The following SLC5A12 variants were observed in gnomAD, a reference collection of about 807,000 sequenced individuals.
SLC5A12 encodes the protein solute carrier family 5 member 12, also known as sodium-coupled monocarboxylate transporter 2.
SLC5A12 carries 46 observed loss-of-function variants against 72.7 expected under a neutral mutation model. The observed-to-expected ratio is 0.63, with a 90% CI of 0.50 to 0.81. SLC5A12 has a LOEUF of 0.81. SLC5A12 is among the 30% of genes least tolerant of loss of function. The probability of loss-of-function intolerance (pLI) is 0.00; values close to 1 mark genes in which losing one functional copy is unlikely to be tolerated. For missense variants in SLC5A12, 683 were observed against 740.7 expected (o/e 0.92, Z 0.90); for synonymous variants, 275 against 264.4 (o/e 1.04, Z -0.39).
At chr11:26,676,760 G>T (rs909507977) in intron 13 of SLC5A12, among the ~76,000 whole-genome samples, 12 of 152,306 alleles carry the variant, frequency 7.9e-5, no homozygotes, top group African/African-American at 2.6e-4. Context: ...TCTTTCAGCA[G>T]CTGATGCACA....
intron 12 of SLC5A12, among the ~76,000 whole-genome samples, chr11:26,680,815 T>G (rs532275206): frequency 6.6e-6 from 1 of 152,250 alleles, no homozygotes; most frequent in African/African-American, 2.4e-5. Context: ...TTCTCTTTTG[T>G]ACTCATATCT....
At chr11:26,721,101 C>A (rs1405752288) in intron 1 of SLC5A12, among the ~76,000 whole-genome samples, 1 of 152,102 alleles carries the variant, frequency 6.6e-6, no homozygotes, top group Non-Finnish European at 1.5e-5. Flanking sequence ...TTATTGCAAA[C>A]CTCCTACAAA....
chr11:26,703,446 A>ACACAC, intron 6 of SLC5A12, 85 bp downstream of exon 6: 4 of 1,087,506 alleles, frequency 3.7e-6, no homozygotes, highest in South Asian at 1.5e-5. Context: ...ACACACACAC[A>ACACAC]CCCCCCAAGA....
chr11:26,705,975 C>T (rs903614362), intron 4 of SLC5A12, among the ~76,000 whole-genome samples: 11 of 134,022 alleles, frequency 8.2e-5, no homozygotes, highest in Admixed American at 6.9e-4. Context: ...CACACACACA[C>T]ACACTTACCT....
Position 26,668,612 on chromosome 11 carries a change from G to C in SLC5A12, c.*2490C>G, listed in dbSNP as rs890627559. ...TTTTGCTTCACCACACAACAAACAC[G>C]GTTTTCATACACTATGGAAGACAGT... On this transcript the variant is annotated 3_prime_UTR_variant, in exon 15 of 15. Coordinates refer to ENST00000396005, the MANE Select transcript of SLC5A12 (RefSeq NM_178498.4). 1 of 151,884 alleles carries C rather than the reference G, an allele frequency of 6.6e-6. No individual in the cohort carries two copies. Among genetic ancestry groups the C allele is most frequent in the African/African-American group, 2.4e-5 (1 of 41,336 alleles). The allele number at this position is 151,884 out of a possible 1,614,324, so 9.4% of individuals were successfully genotyped here. A position where few individuals can be genotyped will look rare whatever the true frequency, so the allele number is the denominator to read the frequency against.
intron 10 of SLC5A12, among the ~76,000 whole-genome samples, chr11:26,684,705 T>C (rs1421923057): frequency 6.6e-6 from 1 of 152,108 alleles, no homozygotes; most frequent in Non-Finnish European, 1.5e-5. Flanking sequence ...TTTCCACCAG[T>C]CTTTGGAGGA....
chr11:26,693,449 C>T (rs1854732605), intron 8 of SLC5A12, among the ~76,000 whole-genome samples: 1 of 152,194 alleles, frequency 6.6e-6, no homozygotes. Flanking sequence ...AATATTCCCT[C>T]TGTCACTTTC....
intron 4 of SLC5A12, among the ~76,000 whole-genome samples, chr11:26,705,869 C>T (rs992209467): frequency 6.7e-6 from 1 of 150,062 alleles, no homozygotes; most frequent in Non-Finnish European, 1.5e-5. Context: ...TTATAGCCAC[C>T]ATGAAGACCT....
intron 3 of SLC5A12, among the ~76,000 whole-genome samples, chr11:26,711,015 C>T (rs1234748259): frequency 6.6e-6 from 1 of 151,728 alleles, no homozygotes; most frequent in Non-Finnish European, 1.5e-5. Flanking sequence ...TATACAATAC[C>T]GAAACTGCCA....
intron 8 of SLC5A12, among the ~76,000 whole-genome samples, chr11:26,696,857 G>A (rs1854828675): frequency 6.6e-6 from 1 of 152,132 alleles, no homozygotes; most frequent in South Asian, 2.1e-4. Flanking sequence ...CATCAGACAA[G>A]GTAGGATAAT....
chr11:26,671,283 G>C (rs1490360471), intron 14 of SLC5A12, 32 bp from the exon 15 acceptor site: 1 of 1,551,020 alleles, frequency 6.4e-7, no homozygotes, highest in Non-Finnish European at 8.7e-7. Flanking sequence ...ATATTAGCAA[G>C]ATATCCTTGA....
chr11:26,678,662 T>G, intron 13 of SLC5A12, 50 bp downstream of exon 13: 5 of 1,340,606 alleles, frequency 3.7e-6, no homozygotes, highest in South Asian at 1.2e-5. Context: ...CACCAATGCA[T>G]GCATGAGCCC....
rs775946743 is a variant in SLC5A12, at chr11:26,711,294, G to A, written c.457+13C>T. 1.9e-6 allele frequency: 3 copies of A among 1,608,476 alleles called. No individual in the cohort carries two copies. In the East Asian group the frequency reaches 6.7e-5, roughly 36 times the overall value. Reference sequence around the variant, plus strand: ...AAATGGTAAAATATGCCAAGAGAATGCTGATAACTCACCTTGATTGAGTGC... The same window carrying A: ...AAATGGTAAAATATGCCAAGAGAATACTGATAACTCACCTTGATTGAGTGC... On this transcript the variant is annotated intron_variant, in intron 3 of 14. Coordinates refer to ENST00000396005, the MANE Select transcript of SLC5A12 (RefSeq NM_178498.4).
rs766270312 is a variant in SLC5A12, at chr11:26,712,721, A to G, written c.340-15T>C. The stretch of plus-strand genomic sequence containing the variant: ...AGTTGTAAGTACTAAAGGAAACAGA[A>G]AGACATGCAGAGTCAGTGAGGTTTA... On this transcript the variant is annotated splice_polypyrimidine_tract_variant and intron_variant, in intron 1 of 14. Coordinates refer to ENST00000396005, the MANE Select transcript of SLC5A12 (RefSeq NM_178498.4). 8 of 1,572,274 alleles carry G rather than the reference A, an allele frequency of 5.1e-6. No individual in the cohort carries two copies. The highest frequency in any genetic ancestry group is 2.3e-5 in the East Asian group (1 of 44,254).
chr11:26,673,238 A>G (rs1477793800), intron 14 of SLC5A12, among the ~76,000 whole-genome samples, 164 bp downstream of exon 14: 1 of 152,188 alleles, frequency 6.6e-6, no homozygotes, highest in African/African-American at 2.4e-5. Flanking sequence ...TGTGCTTAAA[A>G]GCTGATTAGC....
At chr11:26,700,545 T>C (rs1854933652) in intron 6 of SLC5A12, among the ~76,000 whole-genome samples, 1 of 142,664 alleles carries the variant, frequency 7.0e-6, no homozygotes, top group Non-Finnish European at 1.5e-5. Flanking sequence ...CAGATAATTT[T>C]AGATCTGATA....
At chr11:26,691,460 C>T (rs1424917281) in intron 9 of SLC5A12, among the ~76,000 whole-genome samples, 4 of 142,274 alleles carry the variant, frequency 2.8e-5, no homozygotes, top group African/African-American at 1.1e-4. Flanking sequence ...GGTTTATGTA[C>T]ATGTTTTTTT....
chr11:26,697,455 T>C (rs889991251), intron 7 of SLC5A12, among the ~76,000 whole-genome samples: 2 of 152,110 alleles, frequency 1.3e-5, no homozygotes, highest in African/African-American at 4.8e-5. Flanking sequence ...ATCCTGAATG[T>C]TAGCAACTAA....
intron 1 of SLC5A12, among the ~76,000 whole-genome samples, chr11:26,715,350 G>A (rs1855326751): frequency 6.6e-6 from 1 of 152,050 alleles, no homozygotes; most frequent in Admixed American, 6.6e-5. Context: ...AAGGCTTGAG[G>A]GTGTTATCAT....
Sources: allele counts gnomAD v4.1 joint callset (sites outside exome capture counted in the v4.1 genomes callset), GRCh38; gene constraint gnomAD v4.1.1; transcripts MANE v1.5; gene names NCBI Gene and HGNC (gene_info 2026-07-23, HGNC 2026-07-21).